Variants in LAMC3 observed in about 807,000 individuals in gnomAD.
LAMC3 encodes the protein laminin subunit gamma-3.
LAMC3 carries 128 observed loss-of-function variants against 173.8 expected under a neutral mutation model. The ratio of observed to expected loss-of-function variants is 0.74; its 90% confidence interval spans 0.64 to 0.85. The LOEUF (loss-of-function observed/expected upper bound fraction) is 0.85, where lower values mean the gene tolerates loss of function less well. Among genes scored for constraint, LAMC3 ranks in the 40% least tolerant of loss-of-function variants. The probability of loss-of-function intolerance (pLI) is 0.00; values close to 1 mark genes in which losing one functional copy is unlikely to be tolerated. For synonymous variants in LAMC3, 897 were observed against 909.1 expected (o/e 0.99, Z 0.24); for missense variants, 2,022 against 2,156.0 (o/e 0.94, Z 1.23).
intron 1 of LAMC3, among the ~76,000 whole-genome samples, chr9:131,015,421 G>A (rs565178136): frequency 1.1e-4 from 16 of 152,124 alleles, no homozygotes; most frequent in Non-Finnish European, 1.9e-4. Flanking sequence ...TTGTCCCCGG[G>A]CAAGCCCTCC....
chr9:131,027,079 C>T (rs576287524), intron 2 of LAMC3, among the ~76,000 whole-genome samples: 4 of 152,198 alleles, frequency 2.6e-5, no homozygotes, highest in East Asian at 1.9e-4. Context: ...CTGTGGATGC[C>T]GCTAATGAAC....
At chr9:131,085,911 G>C (rs1291560420) in intron 25 of LAMC3, 188 bp downstream of exon 25, 3 of 677,642 alleles carry the variant, frequency 4.4e-6, no homozygotes, top group East Asian at 5.5e-5. Context: ...TGTCATTGCT[G>C]TCCCCATTGT....
chr9:131,009,361 G>T lies in LAMC3; in HGVS notation c.147G>T (p.Gln49His). The T allele has an allele frequency of 6.6e-7, 1 of 1,518,154 alleles. No individual in the cohort carries two copies. The allele number at this position is 1,518,154 out of a possible 1,614,324, so 94.0% of individuals were successfully genotyped here. A position where few individuals can be genotyped will look rare whatever the true frequency, so the allele number is the denominator to read the frequency against. Reference sequence around the variant, plus strand: ...ACGCGGCGTTTGGGCGGCTCGCCCAGGCCTCGCACACGTGCGGCAGCCCGC... The same window carrying T: ...ACGCGGCGTTTGGGCGGCTCGCCCATGCCTCGCACACGTGCGGCAGCCCGC... ...FENAAFGRLA[Q>H]ASHTCGSPPE... The change falls in exon 1 of 28, where the codon CAG becomes CAT. Residue 49 changes from glutamine (Q) to histidine (H), a missense_variant. Gln to His is a conservative substitution (Grantham distance 24). Coordinates refer to ENST00000361069, the MANE Select transcript of LAMC3 (RefSeq NM_006059.4). This position sits in a 1 kb window ranked among gnomAD's most constrained non-coding sequence, Gnocchi z 4.3.
intron 11 of LAMC3, among the ~76,000 whole-genome samples, chr9:131,055,713 C>T (rs1280686688): frequency 2.6e-5 from 4 of 151,876 alleles, no homozygotes; most frequent in Non-Finnish European, 2.9e-5. Context: ...GCTCGAGCCA[C>T]CGCGCCCGGC....
At chr9:131,017,985 C>A (rs965249025) in intron 1 of LAMC3, among the ~76,000 whole-genome samples, 15 of 151,986 alleles carry the variant, frequency 9.9e-5, no homozygotes, top group Admixed American at 4.6e-4. Context: ...GAGATCGCAC[C>A]ACTGCACTCC....
chr9:131,020,987 TTTTAATTAGTTTTAACCTTTAAGC>T (rs1291055834), intron 1 of LAMC3, among the ~76,000 whole-genome samples: 1 of 152,204 alleles, frequency 6.6e-6, no homozygotes, highest in Non-Finnish European at 1.5e-5. Flanking sequence ...CTCTGGCTTC[TTTTAATTAGTTTTAACCTTTAAGC>T]TTTTGTAAGC....
intron 7 of LAMC3, among the ~76,000 whole-genome samples, chr9:131,045,221 C>CAAAAA (rs58637956): frequency 6.1e-4 from 68 of 111,842 alleles, no homozygotes; most frequent in Middle Eastern, 4.5e-3. Context: ...GACTCTGTCT[C>CAAAAA]AAAAAAAAAA....
At chr9:131,089,678 A>G (rs1388402891) in intron 27 of LAMC3, among the ~76,000 whole-genome samples, 1 of 151,836 alleles carries the variant, frequency 6.6e-6, no homozygotes, top group African/African-American at 2.4e-5. Flanking sequence ...GTGAGCCACC[A>G]TGCCCGGCCT....
intron 8 of LAMC3, among the ~76,000 whole-genome samples, chr9:131,047,356 G>C (rs1457384117): frequency 2.0e-5 from 3 of 150,988 alleles, no homozygotes; most frequent in Non-Finnish European, 3.0e-5. Flanking sequence ...GTACAGGTCG[G>C]GGGTTTCACC....
At chr9:131,090,307 T>TG (rs1830402464) in intron 27 of LAMC3, among the ~76,000 whole-genome samples, 5 of 152,348 alleles carry the variant, frequency 3.3e-5, no homozygotes, top group Admixed American at 3.3e-4. Flanking sequence ...GCCTTGTGCT[T>TG]GGCCTGGGGA....
At chr9:131,067,422 C>A (rs965788571) in intron 14 of LAMC3, among the ~76,000 whole-genome samples, 5 of 152,164 alleles carry the variant, frequency 3.3e-5, no homozygotes, top group Non-Finnish European at 7.3e-5. Flanking sequence ...GCCGGGAGAT[C>A]TTATAAACTC....
intron 21 of LAMC3, among the ~76,000 whole-genome samples, chr9:131,076,555 G>T (rs1035067490): frequency 1.3e-5 from 2 of 152,204 alleles, no homozygotes; most frequent in Non-Finnish European, 2.9e-5. Context: ...CACCCCAGGG[G>T]CAGAGCGATG....
At chr9:131,071,346 C>G in intron 17 of LAMC3, 138 bp from the exon 18 acceptor site, 1 of 954,326 alleles carries the variant, frequency 1.0e-6, no homozygotes, top group Non-Finnish European at 1.6e-6. Flanking sequence ...GTGTGGCATA[C>G]CCTTAGCGCT....
At chr9:131,027,996 G>C (rs1300966046) in intron 2 of LAMC3, among the ~76,000 whole-genome samples, 1 of 152,078 alleles carries the variant, frequency 6.6e-6, no homozygotes, top group Admixed American at 6.5e-5. Context: ...CAGTCCACAG[G>C]TCCCCAACCC....
At chr9:131,074,699 GA>G (rs67374198) in intron 20 of LAMC3, among the ~76,000 whole-genome samples, 40,649 of 129,654 alleles carry the variant, frequency 0.31, 5,559 homozygotes, top group Non-Finnish European at 0.35. Flanking sequence ...CCATCTCAAA[GA>G]AAAAAAAAAA....
rs750976487 is a variant in LAMC3, at chr9:131,082,178, G to C, written c.4030+17G>C. ...ATCTGGAAGGTACGTGAGTCCAGCTGACCACTAGGCTGTGTAATGACGAAC... is the reference window on the plus strand; with the variant it reads ...ATCTGGAAGGTACGTGAGTCCAGCTCACCACTAGGCTGTGTAATGACGAAC... On this transcript the variant is annotated intron_variant, in intron 24 of 27. Transcript: ENST00000361069. The C allele has an allele frequency of 6.3e-7, 1 of 1,584,698 alleles. No individual in the cohort carries two copies. Among genetic ancestry groups the C allele is most frequent in the Non-Finnish European group, 8.7e-7 (1 of 1,155,402 alleles).
intron 7 of LAMC3, 58 bp from the exon 8 acceptor site, chr9:131,045,466 C>T: frequency 2.5e-6 from 4 of 1,606,186 alleles, no homozygotes; most frequent in Non-Finnish European, 3.4e-6. Context: ...TACCCTGGCC[C>T]CGCCCCTTCC....
At chr9:131,049,356 G>A (rs573531144) in intron 9 of LAMC3, among the ~76,000 whole-genome samples, 10 of 152,284 alleles carry the variant, frequency 6.6e-5, no homozygotes, top group Non-Finnish European at 1.5e-4. Flanking sequence ...GCCTCTAGAA[G>A]CCGCCTGCAT....
chr9:131,073,865 A>T (rs1167006847), intron 20 of LAMC3, among the ~76,000 whole-genome samples: 3 of 151,662 alleles, frequency 2.0e-5, no homozygotes, highest in Non-Finnish European at 4.4e-5. Context: ...TGGGTGTTTC[A>T]TAGAAGTGGA....
Sources: gnomAD v4.1 joint callset for allele counts (sites outside exome capture counted in the v4.1 genomes callset) on GRCh38, gnomAD v4.1.1 for gene constraint, Gnocchi (gnomAD v3.1) non-coding constraint, MANE v1.5 for transcripts, NCBI Gene and HGNC (gene_info 2026-07-23, HGNC 2026-07-21) for gene names.